Variants in DCDC2C observed in about 807,000 individuals in gnomAD.
The protein encoded by DCDC2C is doublecortin domain-containing protein 2C.
DCDC2C carries 44 observed loss-of-function variants against 45.0 expected under a neutral mutation model. That is an observed-to-expected ratio of 0.98 (90% CI 0.77 to 1.26). DCDC2C has a LOEUF of 1.26. Among genes scored for constraint, DCDC2C ranks in the 50% most tolerant of loss-of-function variants. DCDC2C has a pLI of 0.00. For synonymous variants in DCDC2C, 187 were observed against 178.8 expected (o/e 1.05, Z -0.37); for missense variants, 447 against 468.9 (o/e 0.95, Z 0.43).
intron 10 of DCDC2C, among the ~76,000 whole-genome samples, chr2:3,788,767 CTTTCTTCCGTT>C (rs1261022513): frequency 1.2e-4 from 17 of 141,568 alleles, no homozygotes; most frequent in African/African-American, 4.1e-4. Context: ...GTTTTTCTTC[CTTTCTTCCGTT>C]TCCCTTTCTT....
chr2:3,752,691 T>G (rs1208425899), intron 4 of DCDC2C, 72 bp from the exon 5 acceptor site: 2 of 1,509,248 alleles, frequency 1.3e-6, no homozygotes, highest in Non-Finnish European at 1.8e-6. Flanking sequence ...TCATAGTGTA[T>G]GCACAAATAC....
intron 10 of DCDC2C, 142 bp from the exon 11 acceptor site, chr2:3,847,012 T>TGCCCCC: frequency 2.9e-6 from 1 of 343,818 alleles, no homozygotes; most frequent in Non-Finnish European, 5.1e-6. Flanking sequence ...AGGTCCCAGG[T>TGCCCCC]CCCACCCCAC....
At chr2:3,809,124 A>G (rs1042625793) in intron 10 of DCDC2C, among the ~76,000 whole-genome samples, 3 of 152,194 alleles carry the variant, frequency 2.0e-5, no homozygotes, top group Admixed American at 2.0e-4. Context: ...CCTTTCACCA[A>G]TATGAAGCTT....
chr2:3,795,747 A>G (rs1399786776), intron 10 of DCDC2C, among the ~76,000 whole-genome samples: 1 of 119,976 alleles, frequency 8.3e-6, no homozygotes, highest in Non-Finnish European at 1.7e-5. Flanking sequence ...TGGTACCAGT[A>G]CCATGCTGTT....
At chr2:3,778,438 ACTG>A (rs1180460447) in intron 8 of DCDC2C, among the ~76,000 whole-genome samples, 1 of 152,146 alleles carries the variant, frequency 6.6e-6, no homozygotes, top group African/African-American at 2.4e-5. Flanking sequence ...GTGAGAACCC[ACTG>A]CTATGTGAGG....
intron 10 of DCDC2C, among the ~76,000 whole-genome samples, chr2:3,807,859 G>A (rs141676930): frequency 4.9e-4 from 74 of 152,212 alleles, no homozygotes; most frequent in Middle Eastern, 3.4e-3. Context: ...ACTGTGGTTC[G>A]TGGGAGGTTC....
rs1016967846 is a variant in DCDC2C, at chr2:3,847,741, G to C, written c.*558G>C. 6.6e-5 allele frequency among the ~76,000 whole-genome samples: 10 copies of C among 152,108 alleles called. No homozygotes were observed. Among genetic ancestry groups the C allele is most frequent in the Non-Finnish European group, 1.5e-4 (10 of 68,030 alleles). On this transcript the variant is annotated 3_prime_UTR_variant, in exon 11 of 11. Coordinates refer to ENST00000399143, the MANE Select transcript of DCDC2C (RefSeq NM_001287444.2). ...GTAATCCCCATGTGTTGGAGGAGGG[G>C]GCCGGTGGGAGGTGATTGAATCATG...
intron 1 of DCDC2C, 133 bp from the exon 2 acceptor site, chr2:3,708,416 T>G: frequency 1.6e-6 from 1 of 628,214 alleles, no homozygotes; most frequent in Non-Finnish European, 2.6e-6. Flanking sequence ...ACCGAGAAAA[T>G]TTTAGATCCT....
chr2:3,747,680 C>T (rs1669413794), intron 4 of DCDC2C, among the ~76,000 whole-genome samples: 1 of 152,216 alleles, frequency 6.6e-6, no homozygotes, highest in Admixed American at 6.5e-5. Context: ...TCTTTGGCTT[C>T]ATAACATACA....
chr2:3,807,083 ATT>A (rs35544021), intron 10 of DCDC2C, among the ~76,000 whole-genome samples: 74 of 149,302 alleles, frequency 5.0e-4, no homozygotes, highest in African/African-American at 1.7e-3. Context: ...TCAGAAAGCT[ATT>A]TTTTTTTTTA....
At chr2:3,783,248 A>T (rs757987397) in intron 9 of DCDC2C, among the ~76,000 whole-genome samples, 1 of 152,150 alleles carries the variant, frequency 6.6e-6, no homozygotes, top group Non-Finnish European at 1.5e-5. Flanking sequence ...GGAGTGGGAG[A>T]TGGACTCTGA....
rs543811941 is a variant in DCDC2C, at chr2:3,825,325, C to T, written c.1066-21829C>T. On this transcript the variant is annotated intron_variant, in intron 10 of 10. Transcript: ENST00000399143. ...GCACAGTCTTGTCTTTCTCTTAGGCCCTGCCCTAGGGAAGCCAGGCTCGAA... is the reference window on the plus strand; with the variant it reads ...GCACAGTCTTGTCTTTCTCTTAGGCTCTGCCCTAGGGAAGCCAGGCTCGAA... Among the ~76,000 whole-genome samples the T allele has an allele frequency of 3.9e-5, 6 of 152,256 alleles. No homozygotes were observed. The South Asian group carries it at 8.3e-4, about 21-fold the overall frequency.
intron 4 of DCDC2C, among the ~76,000 whole-genome samples, chr2:3,742,653 G>C (rs143510629): frequency 6.6e-6 from 1 of 152,148 alleles, no homozygotes; most frequent in Non-Finnish European, 1.5e-5. Context: ...TACTTCCAAG[G>C]GTCCTCATAT....
intron 10 of DCDC2C, among the ~76,000 whole-genome samples, chr2:3,827,509 T>C (rs963044321): frequency 6.6e-6 from 1 of 152,220 alleles, no homozygotes; most frequent in Non-Finnish European, 1.5e-5. Flanking sequence ...GGACCCATCA[T>C]ACATTATGCT....
intron 4 of DCDC2C, among the ~76,000 whole-genome samples, chr2:3,746,519 A>C (rs961837148): frequency 6.6e-6 from 1 of 152,204 alleles, no homozygotes. Context: ...TGGAAGGAAA[A>C]GGTGATGAGC....
At chr2:3,831,462 G>A (rs10179265) in intron 10 of DCDC2C, among the ~76,000 whole-genome samples, 61,279 of 152,042 alleles carry the variant, frequency 0.4, 12,613 homozygotes, top group African/African-American at 0.49. Flanking sequence ...CAACTGTAAC[G>A]CAGTGGTGAG....
intron 3 of DCDC2C, among the ~76,000 whole-genome samples, chr2:3,727,441 A>C (rs12104974): frequency 0.021 from 3,141 of 152,176 alleles, 113 homozygotes; most frequent in African/African-American, 0.073. Flanking sequence ...TTTTTTTTTA[A>C]TGTAGCAGTT....
intron 2 of DCDC2C, among the ~76,000 whole-genome samples, chr2:3,717,571 C>T (rs543225046): frequency 6.6e-6 from 1 of 152,152 alleles, no homozygotes; most frequent in Admixed American, 6.5e-5. Context: ...GAAGGAGTCC[C>T]ATGCCTTCCG....
At chr2:3,827,316 G>A (rs1360503774) in intron 10 of DCDC2C, among the ~76,000 whole-genome samples, 17 of 151,274 alleles carry the variant, frequency 1.1e-4, no homozygotes, top group Non-Finnish European at 1.8e-4. Flanking sequence ...CAGGGGCAGG[G>A]ATGGGGGTGG....
Sources: allele counts gnomAD v4.1 joint callset (sites outside exome capture counted in the v4.1 genomes callset), GRCh38; gene constraint gnomAD v4.1.1; transcripts MANE v1.5; gene names NCBI Gene and HGNC (gene_info 2026-07-23, HGNC 2026-07-21).